Variants in ETV6 observed in about 807,000 individuals in gnomAD.
ETV6 encodes the protein transcription factor ETV6.
A neutral mutation model predicts 51.1 loss-of-function variants in ETV6; 16 were observed. The ratio of observed to expected loss-of-function variants is 0.31; its 90% CI spans 0.21 to 0.48. The LOEUF is 0.48. ETV6 is among the 20% of genes least tolerant of loss of function. The pLI, the probability that ETV6 is intolerant of heterozygous loss-of-function variation, is 0.99. For missense variants in ETV6, 458 were observed against 594.8 expected (o/e 0.77, Z 2.39); for synonymous variants, 240 against 224.1 (o/e 1.07, Z -0.64).
intron 1 of ETV6, among the ~76,000 whole-genome samples, chr12:11,700,398 A>G (rs1044793537): frequency 6.6e-6 from 1 of 152,120 alleles, no homozygotes; most frequent in Non-Finnish European, 1.5e-5. Context: ...GGAGTCTCCA[A>G]TATATGTTAT....
At chr12:11,778,702 A>G (rs1175101678) in intron 2 of ETV6, among the ~76,000 whole-genome samples, 1 of 152,226 alleles carries the variant, frequency 6.6e-6, no homozygotes, top group Non-Finnish European at 1.5e-5. Flanking sequence ...TCTTAAAAAA[A>G]AAATCACTCT....
At chr12:11,846,454 G>A (rs1946465919) in intron 3 of ETV6, among the ~76,000 whole-genome samples, 1 of 152,194 alleles carries the variant, frequency 6.6e-6, no homozygotes, top group African/African-American at 2.4e-5. Context: ...CCCTGGGAGA[G>A]GCTCTAGGTA....
At chr12:11,757,114 G>A (rs190491694) in intron 2 of ETV6, among the ~76,000 whole-genome samples, 8 of 152,186 alleles carry the variant, frequency 5.3e-5, no homozygotes, top group Admixed American at 3.3e-4. Context: ...GCCGCTCGGC[G>A]TTTTCTGGAG....
At chr12:11,802,178 G>T (rs1660929848) in intron 2 of ETV6, among the ~76,000 whole-genome samples, 1 of 152,160 alleles carries the variant, frequency 6.6e-6, no homozygotes, top group South Asian at 2.1e-4. Context: ...GGATGGGATG[G>T]CCCTTCCCTG....
intron 1 of ETV6, among the ~76,000 whole-genome samples, chr12:11,688,257 A>G (rs1413424021): frequency 6.6e-6 from 1 of 152,196 alleles, no homozygotes. Context: ...GAAAGGTACA[A>G]TGTTGGGGCA....
At chr12:11,836,849 G>A (rs1182621385) in intron 2 of ETV6, among the ~76,000 whole-genome samples, 1 of 152,154 alleles carries the variant, frequency 6.6e-6, no homozygotes, top group Non-Finnish European at 1.5e-5. Flanking sequence ...TTCTGCCTGA[G>A]CATCTTCTGC....
intron 1 of ETV6, among the ~76,000 whole-genome samples, chr12:11,700,857 T>A (rs1864967037): frequency 1.3e-5 from 2 of 151,916 alleles, no homozygotes; most frequent in Admixed American, 6.6e-5. Flanking sequence ...CTGAAAAAAA[T>A]TCACATATAA....
intron 1 of ETV6, among the ~76,000 whole-genome samples, chr12:11,729,173 C>T (rs1277553024): frequency 2.0e-5 from 3 of 152,346 alleles, no homozygotes; most frequent in Non-Finnish European, 2.9e-5. Flanking sequence ...CCGTTTCCTG[C>T]TCAGGCAGGT....
At chr12:11,796,743 C>T (rs1945681953) in intron 2 of ETV6, among the ~76,000 whole-genome samples, 1 of 150,088 alleles carries the variant, frequency 6.7e-6, no homozygotes. Flanking sequence ...TTGAATAGCA[C>T]TAAGGGATAA....
At chr12:11,722,768 GGGGA>G (rs1865413745) in intron 1 of ETV6, among the ~76,000 whole-genome samples, 1 of 152,174 alleles carries the variant, frequency 6.6e-6, no homozygotes. Flanking sequence ...GGCCAGATCC[GGGGA>G]GGAAGTGATG....
At chr12:11,779,030 T>C (rs184904018) in intron 2 of ETV6, among the ~76,000 whole-genome samples, 26 of 152,364 alleles carry the variant, frequency 1.7e-4, no homozygotes, top group African/African-American at 5.8e-4. Flanking sequence ...TTGTCCTTCC[T>C]ATATCTAGGC....
intron 1 of ETV6, among the ~76,000 whole-genome samples, chr12:11,655,168 C>A (rs1863977343): frequency 7.4e-6 from 1 of 134,898 alleles, no homozygotes; most frequent in South Asian, 2.4e-4. Flanking sequence ...GTGGATCTCC[C>A]AGCCAAGTGA....
At chr12:11,815,345 T>A (rs1454722917) in intron 2 of ETV6, among the ~76,000 whole-genome samples, 1 of 152,228 alleles carries the variant, frequency 6.6e-6, no homozygotes, top group Non-Finnish European at 1.5e-5. Context: ...CATGATTTCC[T>A]GATGCCCATC....
At chr12:11,733,184 G>A (rs556162260) in intron 1 of ETV6, among the ~76,000 whole-genome samples, 68 of 152,154 alleles carry the variant, frequency 4.5e-4, no homozygotes, top group Middle Eastern at 3.4e-3. Context: ...CAAAGCAGGC[G>A]GATCATGAGG....
At chr12:11,721,633 A>T (rs778109724) in intron 1 of ETV6, among the ~76,000 whole-genome samples, 1 of 152,202 alleles carries the variant, frequency 6.6e-6, no homozygotes, top group Non-Finnish European at 1.5e-5. Flanking sequence ...TACTGTGCTC[A>T]CTACCTGGAT....
At chr12:11,670,225 CAGT>C (rs1864288182) in intron 1 of ETV6, among the ~76,000 whole-genome samples, 2 of 152,114 alleles carry the variant, frequency 1.3e-5, no homozygotes, top group East Asian at 1.9e-4. Context: ...AAGGGAAAAA[CAGT>C]AGATTTTGGG....
At chr12:11,726,961 C>T (rs1412572477) in intron 1 of ETV6, among the ~76,000 whole-genome samples, 2 of 152,146 alleles carry the variant, frequency 1.3e-5, no homozygotes, top group African/African-American at 2.4e-5. Flanking sequence ...GTGAGGAAAC[C>T]GAGCTTTGGG....
chr12:11,810,202 T>G (rs1185072271), intron 2 of ETV6, among the ~76,000 whole-genome samples: 1 of 152,184 alleles, frequency 6.6e-6, no homozygotes, highest in Non-Finnish European at 1.5e-5. Context: ...TCCTAATCCC[T>G]GTCGTGTCCT....
chr12:11,875,493 T>C (rs991964274), intron 5 of ETV6, among the ~76,000 whole-genome samples: 1 of 152,252 alleles, frequency 6.6e-6, no homozygotes, highest in Non-Finnish European at 1.5e-5. Context: ...TACTGGCTTG[T>C]GTCCCACCAG....
Sources: allele counts gnomAD v4.1 joint callset (sites outside exome capture counted in the v4.1 genomes callset), GRCh38; gene constraint gnomAD v4.1.1; transcripts MANE v1.5; gene names NCBI Gene and HGNC (gene_info 2026-07-23, HGNC 2026-07-21).